PTPRM: variants seen among roughly 807,000 people sequenced by gnomAD.
PTPRM encodes protein tyrosine phosphatase receptor type M.
Under a neutral mutation model 186.7 loss-of-function variants are expected in PTPRM, and 47 were observed. That is an observed-to-expected ratio of 0.25 (90% confidence interval 0.20 to 0.32). The LOEUF is 0.32. Among genes scored for constraint, PTPRM ranks in the 10% least tolerant of loss-of-function variants. The probability of loss-of-function intolerance (pLI) is 1.00; values close to 1 mark genes in which losing one functional copy is unlikely to be tolerated. For synonymous variants in PTPRM, 668 were observed against 674.9 expected (o/e 0.99, Z 0.16); for missense variants, 1,494 against 1,865.0 (o/e 0.80, Z 3.66).
intron 19 of PTPRM, among the ~76,000 whole-genome samples, chr18:8,258,959 T>C (rs2094601146): frequency 6.6e-6 from 1 of 152,174 alleles, no homozygotes; most frequent in Admixed American, 6.5e-5. Context: ...TTTTTGTTTG[T>C]TTTGTTTTTG....
At chr18:7,719,248 T>G (rs921423164) in intron 1 of PTPRM, among the ~76,000 whole-genome samples, 31 of 152,080 alleles carry the variant, frequency 2.0e-4, no homozygotes, top group African/African-American at 7.0e-4. Flanking sequence ...TTTGCAGCAA[T>G]TTGGAGTTGG....
intron 1 of PTPRM, among the ~76,000 whole-genome samples, chr18:7,760,635 T>C (rs933829213): frequency 1.3e-5 from 2 of 152,120 alleles, no homozygotes; most frequent in Non-Finnish European, 2.9e-5. Context: ...ATTTACTAGG[T>C]AGCTAGATAG....
rs199719406 is a variant in PTPRM, at chr18:7,842,828, G to GTATATA, written c.197-45269_197-45264dup. ...TGTGTGTGTGTGTGTATATATATAT[G>GTATATA]TATATATATATATAGAGAGAGAGAG... On this transcript the variant is annotated intron_variant, in intron 2 of 32. Transcript: ENST00000580170. 6.8e-3 allele frequency among the ~76,000 whole-genome samples: 499 copies of GTATATA among 73,750 alleles called. 7 individuals carry two copies. The East Asian group carries it at 0.077, about 11-fold the overall frequency. 48.4% of individuals were successfully genotyped at this position (73,750 alleles called of 152,430 possible).
intron 14 of PTPRM, among the ~76,000 whole-genome samples, chr18:8,185,431 A>T (rs1439516917): frequency 6.6e-6 from 1 of 152,202 alleles, no homozygotes; most frequent in Non-Finnish European, 1.5e-5. Flanking sequence ...GGGTCCTGTG[A>T]CTAGTAGGAG....
At chr18:7,810,692 A>G (rs752094664) in intron 2 of PTPRM, among the ~76,000 whole-genome samples, 30 of 152,194 alleles carry the variant, frequency 2.0e-4, no homozygotes, top group Admixed American at 1.3e-4. Context: ...GCAGGGGGGC[A>G]TTAAATCTAT....
intron 9 of PTPRM, 120 bp downstream of exon 9, chr18:8,076,684 C>A (rs1600423244): frequency 3.7e-6 from 2 of 540,024 alleles, no homozygotes; most frequent in East Asian, 3.3e-5. Context: ...TTAATGCTTT[C>A]AGTAGTTATA....
At position 7,688,611 on chromosome 18, in the gene PTPRM, T is replaced by C. The variant is rs866140830; in HGVS notation, c.74-85538T>C. On this transcript the variant is annotated intron_variant, in intron 1 of 32. Transcript: ENST00000580170. ...TCAGCATGTGATGGGGAGAGAAGAG[T>C]TGTGGAAGAAGACTTTATGCCCAAG... Among the ~76,000 whole-genome samples the C allele has an allele frequency of 3.3e-5, 5 of 151,960 alleles. 1 individual carries two copies. The highest frequency in any genetic ancestry group is 1.9e-4 in the East Asian group (1 of 5,166).
At chr18:7,773,570 G>GTTTTTTTTTTTTTTTTTTTT (rs10708698) in intron 1 of PTPRM, among the ~76,000 whole-genome samples, 7 of 129,096 alleles carry the variant, frequency 5.4e-5, no homozygotes, top group Non-Finnish European at 9.9e-5. Flanking sequence ...TCTTTTCTTT[G>GTTTTTTTTTTTTTTTTTTTT]TTTTTTTTTT....
intron 1 of PTPRM, among the ~76,000 whole-genome samples, chr18:7,739,069 C>T (rs991755586): frequency 2.0e-5 from 3 of 152,212 alleles, no homozygotes; most frequent in Admixed American, 1.3e-4. Flanking sequence ...CTTTTCTCGT[C>T]GCACATCACA....
At chr18:7,946,826 C>T in intron 5 of PTPRM, 1 of 408,066 alleles carries the variant, frequency 2.5e-6, no homozygotes, top group Non-Finnish European at 4.8e-6. Context: ...GTGATGTTTC[C>T]TTCCAAGTGG....
intron 14 of PTPRM, among the ~76,000 whole-genome samples, chr18:8,165,284 A>G (rs1232034477): frequency 1.3e-5 from 2 of 152,194 alleles, no homozygotes; most frequent in East Asian, 1.9e-4. Flanking sequence ...GCCTCTGAGC[A>G]TTGGAGCACT....
chr18:8,140,448 TTTG>T (rs1226994184), intron 13 of PTPRM, among the ~76,000 whole-genome samples: 7 of 3,582 alleles, frequency 2.0e-3, no homozygotes, highest in East Asian at 0.05. Context: ...AGTTTTTTTG[TTTG>T]TTTGTTTGTT....
intron 5 of PTPRM, among the ~76,000 whole-genome samples, chr18:7,930,511 C>A (rs991527777): frequency 5.3e-5 from 8 of 152,102 alleles, no homozygotes; most frequent in African/African-American, 1.7e-4. Context: ...TGTCCTGGGT[C>A]ACAAAGAAAA....
At chr18:7,775,682 T>A (rs1158692603) in intron 2 of PTPRM, among the ~76,000 whole-genome samples, 2 of 152,192 alleles carry the variant, frequency 1.3e-5, no homozygotes, top group Admixed American at 1.3e-4. Context: ...GTCTATTAAC[T>A]CCTCATTTGA....
intron 13 of PTPRM, among the ~76,000 whole-genome samples, chr18:8,130,263 G>A (rs975108507): frequency 6.6e-6 from 1 of 152,134 alleles, no homozygotes; most frequent in East Asian, 1.9e-4. Flanking sequence ...CTTAGGAAAA[G>A]GGGAGGAGAG....
chr18:8,023,849 C>CAA (rs1470614584), intron 7 of PTPRM, among the ~76,000 whole-genome samples: 1 of 133,532 alleles, frequency 7.5e-6, no homozygotes, highest in Non-Finnish European at 1.7e-5. Flanking sequence ...CACACACACA[C>CAA]ACACACACAC....
At chr18:7,690,766 T>C (rs745488178) in intron 1 of PTPRM, among the ~76,000 whole-genome samples, 16 of 152,220 alleles carry the variant, frequency 1.1e-4, no homozygotes, top group Non-Finnish European at 2.1e-4. Context: ...TTAACTCTTA[T>C]TGCCTTGATA....
chr18:7,922,430 C>T (rs2050920533), intron 4 of PTPRM, among the ~76,000 whole-genome samples: 1 of 152,206 alleles, frequency 6.6e-6, no homozygotes, highest in South Asian at 2.1e-4. Flanking sequence ...GGACAGATTT[C>T]CTGCCAGGCA....
rs764663770 is a variant in PTPRM, at chr18:8,247,799, G to A, written c.2453-46G>A. 2.1e-6 allele frequency: 3 copies of A among 1,405,830 alleles called. No homozygotes were observed. In the South Asian group the frequency reaches 3.5e-5, roughly 16 times the overall value. 87.1% of individuals were successfully genotyped at this position (1,405,830 alleles called of 1,614,324 possible). ...TCTCAGAGCATTGTGTGTTCAGAGT[G>A]TATTACCTCTCTGCTGCCCCTGACC... On this transcript the variant is annotated intron_variant, in intron 15 of 32. Coordinates refer to ENST00000580170, the MANE Select transcript of PTPRM (RefSeq NM_001105244.2).
Sources: allele counts gnomAD v4.1 joint callset (sites outside exome capture counted in the v4.1 genomes callset), GRCh38; gene constraint gnomAD v4.1.1; transcripts MANE v1.5; gene names NCBI Gene and HGNC (gene_info 2026-07-23, HGNC 2026-07-21).